MLYCD: variants seen among roughly 807,000 people sequenced by gnomAD.
The protein encoded by MLYCD is malonyl-CoA decarboxylase, mitochondrial.
Under a neutral mutation model 35.8 loss-of-function variants are expected in MLYCD, and 27 were observed. The observed-to-expected ratio is 0.75, with a 90% confidence interval of 0.56 to 1.04. MLYCD has a LOEUF of 1.04. Among genes scored for constraint, MLYCD ranks in the 50% least tolerant of loss-of-function variants. The probability of loss-of-function intolerance (pLI) is 0.00; values close to 1 mark genes in which losing one functional copy is unlikely to be tolerated. For missense variants in MLYCD, 917 were observed against 665.1 expected (o/e 1.38, Z -4.17); for synonymous variants, 403 against 302.4 (o/e 1.33, Z -3.45).
intron 1 of MLYCD, among the ~76,000 whole-genome samples, chr16:83,901,458 T>A (rs939848249): frequency 1.3e-5 from 2 of 152,196 alleles, no homozygotes; most frequent in Admixed American, 1.3e-4. Context: ...GAGGTGAGTC[T>A]GCCCCACACT....
chr16:83,910,211 GTT>G (rs144044828), intron 3 of MLYCD, among the ~76,000 whole-genome samples: 1 of 141,152 alleles, frequency 7.1e-6, no homozygotes, highest in African/African-American at 2.6e-5. Context: ...TTTATGCATG[GTT>G]TTTTTTTTTT....
chr16:83,906,789 G>T (rs1906991854), intron 1 of MLYCD, among the ~76,000 whole-genome samples, 198 bp from the exon 2 acceptor site: 2 of 150,262 alleles, frequency 1.3e-5, no homozygotes, highest in Admixed American at 6.6e-5. Flanking sequence ...ATAGAGCGTT[G>T]AACGAAAGAA....
intron 1 of MLYCD, among the ~76,000 whole-genome samples, chr16:83,904,220 C>T (rs560806607): frequency 7.9e-5 from 12 of 152,086 alleles, no homozygotes; most frequent in Admixed American, 7.2e-4. Context: ...GATACCAGTA[C>T]CTCTTACGCA....
At chr16:83,902,570 A>G (rs1906835316) in intron 1 of MLYCD, among the ~76,000 whole-genome samples, 1 of 150,572 alleles carries the variant, frequency 6.6e-6, no homozygotes, top group Non-Finnish European at 1.5e-5. Context: ...CAGCAGCACA[A>G]TCTCTGCTCA....
chr16:83,908,407 CT>C, intron 3 of MLYCD, 125 bp downstream of exon 3: 1 of 1,246,852 alleles, frequency 8.0e-7, no homozygotes. Context: ...TGGTTTTGGG[CT>C]TTTTTAAATT....
Position 83,926,013 on chromosome 16 carries a change from C to G in MLYCD, c.*10524C>G, listed in dbSNP as rs955359183. 2 of 152,364 alleles carry G rather than the reference C, an allele frequency of 1.3e-5. No homozygotes were observed. The highest frequency in any genetic ancestry group is 2.9e-5 in the Non-Finnish European group (2 of 68,128). 9.4% of individuals were successfully genotyped at this position (152,364 alleles called of 1,614,324 possible). ...TGGCCCGAGGTGGCTGCAGGGTCTG[C>G]AAGATCATCAGGGCCCCCTCCAATG... On this transcript the variant is annotated 3_prime_UTR_variant, in exon 5 of 5. Coordinates refer to ENST00000262430, the MANE Select transcript of MLYCD (RefSeq NM_012213.3).
At chr16:83,905,256 G>T (rs1376682125) in intron 1 of MLYCD, among the ~76,000 whole-genome samples, 4 of 151,978 alleles carry the variant, frequency 2.6e-5, no homozygotes, top group African/African-American at 9.7e-5. Flanking sequence ...CTGTTGTAAA[G>T]CCATTCTTAT....
In MLYCD at chr16:83,899,360, G is replaced by C. The variant is rs1185169933; in HGVS notation, c.216G>C (p.Val72=). 2.0e-6 allele frequency: 3 copies of C among 1,526,948 alleles called. No individual in the cohort carries two copies. The highest frequency in any genetic ancestry group is 2.6e-6 in the Non-Finnish European group (3 of 1,146,040). 94.6% of individuals were successfully genotyped at this position (1,526,948 alleles called of 1,614,324 possible). The change falls in exon 1 of 5, where the codon GTG becomes GTC. Residue 72 remains valine, a synonymous_variant. Transcript: ENST00000262430. ...CCGAGGGTCAGTGCGCGGACTTCGT[G>C]AGCTTCTACGGTGGGCTGGCCGAGA... is the stretch of plus-strand genomic sequence containing the variant. ...APAEGQCADF[V]SFYGGLAETA...
At chr16:83,902,504 ATTT>A (rs67006643) in intron 1 of MLYCD, among the ~76,000 whole-genome samples, 1,684 of 127,518 alleles carry the variant, frequency 0.013, 28 homozygotes, top group African/African-American at 0.046. Flanking sequence ...TTTTAATCTG[ATTT>A]TTTTTTTTTT....
At chr16:83,906,279 TACTTGGGGGGCTGAG>T (rs1289795251) in intron 1 of MLYCD, among the ~76,000 whole-genome samples, 1 of 151,524 alleles carries the variant, frequency 6.6e-6, no homozygotes, top group Non-Finnish European at 1.5e-5. Context: ...CAGTCCCAGC[TACTTGGGGGGCTGAG>T]ACAGGAGGAC....
chr16:83,903,568 A>G (rs1292506016), intron 1 of MLYCD, among the ~76,000 whole-genome samples: 4 of 152,324 alleles, frequency 2.6e-5, no homozygotes, highest in Non-Finnish European at 4.4e-5. Flanking sequence ...TAGAGCTTCA[A>G]AAGAGAGGGA....
At position 83,907,088 on chromosome 16, in the gene MLYCD, G is replaced by GA. The variant is rs1907005544; in HGVS notation, c.634dup (p.Ile212AsnfsTer3). The stretch of plus-strand genomic sequence containing the variant: ...GGCATTCACCGTGTGAAGTGCTTCA[G>GA]AAAATCAGTGAGTAAGTATTACGGT... On this transcript the variant is annotated frameshift_variant, in exon 2 of 5. Coordinates refer to ENST00000262430, the MANE Select transcript of MLYCD (RefSeq NM_012213.3). LOFTEE classifies it high-confidence loss of function. The GA allele has an allele frequency of 6.2e-7, 1 of 1,612,380 alleles. No homozygotes were observed. The highest frequency in any genetic ancestry group is 8.5e-7 in the Non-Finnish European group (1 of 1,178,484).
In MLYCD at chr16:83,915,143, TCAG is replaced by T; in HGVS notation, c.1144_1146del (p.Ser382del). 2 of 1,614,254 alleles carry T rather than the reference TCAG, an allele frequency of 1.2e-6. No individual in the cohort carries two copies. The highest frequency in any genetic ancestry group is 1.7e-6 in the Non-Finnish European group (2 of 1,180,042). ...ATTAACGAGACCCTCAAGCTCCTCC[TCAG>T]CAGCAGCGAGTGGGTGCAGTCGGAG... is the stretch of plus-strand genomic sequence containing the variant. On this transcript the variant is annotated inframe_deletion, in exon 5 of 5. Coordinates refer to ENST00000262430, the MANE Select transcript of MLYCD (RefSeq NM_012213.3).
chr16:83,912,656 A>T (rs1300284485), intron 4 of MLYCD: 2 of 437,796 alleles, frequency 4.6e-6, no homozygotes, highest in African/African-American at 4.0e-5. Context: ...CCTCGTTCTG[A>T]CCTGGTCAGG....
At position 83,925,279 on chromosome 16, in the gene MLYCD, C is replaced by G. The variant is rs920019270; in HGVS notation, c.*9790C>G. ...CAAAACCTGGCCTCCTCCAGCTGTTCCTTCCTGGCGAGGCCACCTCCAACT... is the reference window on the plus strand; with the variant it reads ...CAAAACCTGGCCTCCTCCAGCTGTTGCTTCCTGGCGAGGCCACCTCCAACT... On this transcript the variant is annotated 3_prime_UTR_variant, in exon 5 of 5. Transcript: ENST00000262430. 6.6e-6 allele frequency: 1 copy of G among 152,562 alleles called. No homozygotes were observed. Among genetic ancestry groups the G allele is most frequent in the Non-Finnish European group, 1.5e-5 (1 of 68,334 alleles). The allele number at this position is 152,562 out of a possible 1,614,324, so 9.5% of individuals were successfully genotyped here. A position where few individuals can be genotyped will look rare whatever the true frequency, so the allele number is the denominator to read the frequency against.
chr16:83,900,577 G>A (rs375362244), intron 1 of MLYCD, among the ~76,000 whole-genome samples: 13 of 148,832 alleles, frequency 8.7e-5, no homozygotes, highest in African/African-American at 3.2e-4. Context: ...CACCATGCCC[G>A]GCTAATTTTT....
rs1907446868 is a variant in MLYCD at position 83,917,231 on chromosome 16, G to T, written c.*1742G>T. 1 of 140,558 alleles carries T rather than the reference G, an allele frequency of 7.1e-6. No individual in the cohort carries two copies. The highest frequency in any genetic ancestry group is 3.0e-5 in the African/African-American group (1 of 32,856). 8.7% of individuals were successfully genotyped at this position (140,558 alleles called of 1,614,324 possible). ...TGCACGAGCGTCTCTGTGTGGATCA[G>T]TGCACGTCTGTGTGCGTGTGCCCGA... On this transcript the variant is annotated 3_prime_UTR_variant, in exon 5 of 5. Transcript: ENST00000262430.
At chr16:83,911,039 T>C (rs1488087366) in intron 3 of MLYCD, among the ~76,000 whole-genome samples, 1 of 152,140 alleles carries the variant, frequency 6.6e-6, no homozygotes, top group Non-Finnish European at 1.5e-5. Context: ...TGCAGTGGCA[T>C]GATCTCGGCT....
chr16:83,924,679 A>G lies in MLYCD; in HGVS notation c.*9190A>G, dbSNP rs1163305808. On this transcript the variant is annotated 3_prime_UTR_variant, in exon 5 of 5. Transcript: ENST00000262430. ...AGCTGCCTTCAAAGATGCCAGAGCC[A>G]TGTTTATTTAAGCGGCGCTGCTCCA... 1 of 152,174 alleles carries G rather than the reference A, an allele frequency of 6.6e-6. No individual in the cohort carries two copies. The highest frequency in any genetic ancestry group is 1.5e-5 in the Non-Finnish European group (1 of 68,020). 9.4% of individuals were successfully genotyped at this position (152,174 alleles called of 1,614,324 possible).
Sources: allele counts gnomAD v4.1 joint callset (sites outside exome capture counted in the v4.1 genomes callset), GRCh38; gene constraint gnomAD v4.1.1; transcripts MANE v1.5; gene names NCBI Gene and HGNC (gene_info 2026-07-23, HGNC 2026-07-21).